DAB1: variants seen among roughly 807,000 people sequenced by gnomAD.
DAB1 encodes disabled homolog 1.
A neutral mutation model predicts 64.6 loss-of-function variants in DAB1; 15 were observed. The observed-to-expected ratio is 0.23, with a 90% confidence interval of 0.16 to 0.36. The LOEUF (loss-of-function observed/expected upper bound fraction) is 0.36, where lower values mean the gene tolerates loss of function less well. DAB1 is among the 10% of genes least tolerant of loss of function. The pLI is 1.00. For synonymous variants in DAB1, 235 were observed against 251.9 expected (o/e 0.93, Z 0.64); for missense variants, 596 against 706.7 (o/e 0.84, Z 1.78).
At chr1:57,767,301 T>C (rs1649357102) in intron 6 of DAB1, among the ~76,000 whole-genome samples, 1 of 152,090 alleles carries the variant, frequency 6.6e-6, no homozygotes, top group Admixed American at 6.6e-5. Flanking sequence ...AGGGGTGTGT[T>C]ATGAATAACA....
chr1:57,606,457 AAT>A (rs1645639769), intron 7 of DAB1, among the ~76,000 whole-genome samples: 2 of 122,036 alleles, frequency 1.6e-5, no homozygotes, highest in South Asian at 4.7e-4. Context: ...ATATATATGA[AAT>A]ATATAATACA....
chr1:57,558,729 G>C (rs1283235183), intron 7 of DAB1, among the ~76,000 whole-genome samples: 1 of 152,148 alleles, frequency 6.6e-6, no homozygotes, highest in Non-Finnish European at 1.5e-5. Flanking sequence ...TCTTTGCTTG[G>C]TTAGCTGAAA....
chr1:57,207,744 C>T (rs778977657), intron 2 of DAB1, among the ~76,000 whole-genome samples: 8 of 152,092 alleles, frequency 5.3e-5, no homozygotes, highest in Non-Finnish European at 1.2e-4. Context: ...GCGCCCGGCA[C>T]CTTATTTCCT....
chr1:57,082,208 T>C (rs1557686168), intron 4 of DAB1, among the ~76,000 whole-genome samples: 2 of 152,166 alleles, frequency 1.3e-5, no homozygotes, highest in Admixed American at 6.5e-5. Context: ...TCATGGTAAG[T>C]TGGAAAAAAA....
At chr1:57,273,018 T>C (rs1671137394) in intron 2 of DAB1, among the ~76,000 whole-genome samples, 1 of 152,162 alleles carries the variant, frequency 6.6e-6, no homozygotes, top group Non-Finnish European at 1.5e-5. Context: ...GGTCAAAATG[T>C]TCTGGAAATT....
Position 57,184,979 on chromosome 1 carries a change from C to T in DAB1, c.68-39550G>A, listed in dbSNP as rs566157464. On this transcript the variant is annotated intron_variant, in intron 2 of 14. Coordinates refer to ENST00000371236, the MANE Select transcript of DAB1 (RefSeq NM_001365792.1). ...AGAGATGGACAAACAGGGATCACAA[C>T]ATTCGTAAACTCACTGACTCTCATC... Among the ~76,000 whole-genome samples the T allele has an allele frequency of 2.6e-5, 4 of 152,218 alleles. No homozygotes were observed. In the South Asian group the frequency reaches 8.3e-4, roughly 32 times the overall value.
chr1:58,489,757 G>C (rs1361077991), intron 3 of DAB1, among the ~76,000 whole-genome samples: 1 of 152,192 alleles, frequency 6.6e-6, no homozygotes, highest in South Asian at 2.1e-4. Flanking sequence ...CCAGAGGAAT[G>C]ATGAGGCAGC....
chr1:57,637,263 G>C (rs1224036233), intron 7 of DAB1, among the ~76,000 whole-genome samples: 1 of 152,142 alleles, frequency 6.6e-6, no homozygotes, highest in Non-Finnish European at 1.5e-5. Flanking sequence ...AATTGTGCAA[G>C]CAACTGGAGA....
chr1:57,945,428 G>GTTA (rs143711609), intron 5 of DAB1, among the ~76,000 whole-genome samples: 5,518 of 123,706 alleles, frequency 0.045, 250 homozygotes, highest in African/African-American at 0.16. Context: ...CTTGCTAATT[G>GTTA]TTATTATTAT....
At chr1:58,135,943 C>A (rs1313924104) in intron 5 of DAB1, among the ~76,000 whole-genome samples, 1 of 151,794 alleles carries the variant, frequency 6.6e-6, no homozygotes, top group Admixed American at 6.6e-5. Flanking sequence ...CATTCAGTTA[C>A]CCTCTCTGCG....
chr1:58,191,559 C>T (rs776567932), intron 4 of DAB1, among the ~76,000 whole-genome samples: 1 of 152,114 alleles, frequency 6.6e-6, no homozygotes, highest in Non-Finnish European at 1.5e-5. Flanking sequence ...ACTGGCTAAC[C>T]GTGAAGCTGG....
chr1:57,234,055 A>T (rs112048037), intron 2 of DAB1, among the ~76,000 whole-genome samples: 4 of 152,212 alleles, frequency 2.6e-5, no homozygotes, highest in African/African-American at 9.6e-5. Context: ...AACTACAGAA[A>T]GAATACTGTT....
At chr1:57,833,550 G>A (rs1472852063) in intron 1 of DAB1, among the ~76,000 whole-genome samples, 5 of 152,196 alleles carry the variant, frequency 3.3e-5, no homozygotes, top group Non-Finnish European at 7.3e-5. Flanking sequence ...TTGGGGAACC[G>A]AAAGATTAAT....
intron 3 of DAB1, among the ~76,000 whole-genome samples, chr1:58,489,182 C>A (rs1176742769): frequency 6.6e-6 from 1 of 152,184 alleles, no homozygotes; most frequent in Middle Eastern, 3.2e-3. Flanking sequence ...TCAGGGAATT[C>A]CCTTTCCTAG....
At chr1:58,011,893 G>T (rs752064897) in intron 5 of DAB1, among the ~76,000 whole-genome samples, 10 of 152,108 alleles carry the variant, frequency 6.6e-5, no homozygotes, top group Non-Finnish European at 1.2e-4. Flanking sequence ...GTTTTGCTAT[G>T]TTGGCTAGGC....
chr1:57,389,413 G>C (rs1351117244), intron 1 of DAB1, among the ~76,000 whole-genome samples: 1 of 152,104 alleles, frequency 6.6e-6, no homozygotes, highest in Non-Finnish European at 1.5e-5. Flanking sequence ...CCTCTACTCA[G>C]CACAATCCAA....
intron 5 of DAB1, among the ~76,000 whole-genome samples, chr1:58,055,480 T>C (rs565439327): frequency 6.6e-6 from 1 of 152,310 alleles, no homozygotes; most frequent in Admixed American, 6.5e-5. Context: ...TTTGTTTTTA[T>C]CCATAGCACT....
At chr1:57,152,237 A>G (rs1043512635) in intron 2 of DAB1, among the ~76,000 whole-genome samples, 1 of 152,192 alleles carries the variant, frequency 6.6e-6, no homozygotes, top group African/African-American at 2.4e-5. Flanking sequence ...GGGAGGGTGC[A>G]CCACATCCTT....
intron 5 of DAB1, among the ~76,000 whole-genome samples, chr1:58,110,503 T>A (rs907671370): frequency 1.3e-5 from 2 of 152,214 alleles, no homozygotes; most frequent in African/African-American, 4.8e-5. Flanking sequence ...TTATTTGATT[T>A]ACTTTTTGTG....
Sources: gnomAD v4.1 joint callset for allele counts (sites outside exome capture counted in the v4.1 genomes callset) on GRCh38, gnomAD v4.1.1 for gene constraint, MANE v1.5 for transcripts, NCBI Gene and HGNC (gene_info 2026-07-23, HGNC 2026-07-21) for gene names.